DNAJC3: variants seen among roughly 807,000 people sequenced by gnomAD.
DNAJC3 encodes DnaJ heat shock protein family (Hsp40) member C3.
In DNAJC3, 38 loss-of-function variants were observed where a neutral mutation model predicts 68.6. The observed-to-expected ratio is 0.55, with a 90% CI of 0.43 to 0.73. The LOEUF is 0.73. DNAJC3 is among the 30% of genes least tolerant of loss of function. The pLI, the probability that DNAJC3 is intolerant of heterozygous loss-of-function variation, is 0.00. For missense variants in DNAJC3, 526 were observed against 591.9 expected, an observed-to-expected ratio of 0.89 and a Z score of 1.16; for synonymous variants, 203 against 204.0, an observed-to-expected ratio of 1.00 and a Z score of 0.04.
chr13:95,764,348 TC>T (rs1366476593), intron 9 of DNAJC3, among the ~76,000 whole-genome samples: 10 of 40,450 alleles, frequency 2.5e-4, no homozygotes, highest in African/African-American at 1.0e-3. Context: ...ATATACATAT[TC>T]TCTCTCTCTC....
chr13:95,708,755 G>A (rs17879418), intron 1 of DNAJC3, among the ~76,000 whole-genome samples: 1,600 of 152,168 alleles, frequency 0.011, 28 homozygotes, highest in African/African-American at 0.037. Flanking sequence ...CTCCTCCCAC[G>A]ATAACATCAG....
chr13:95,755,756 CAAAAAAAAAAAAAA>C (rs56659621), intron 4 of DNAJC3, among the ~76,000 whole-genome samples: 5 of 15,096 alleles, frequency 3.3e-4, no homozygotes, highest in South Asian at 2.5e-3. Context: ...GACGCCGTCT[CAAAAAAAAAAAAAA>C]AAAAAAAAAA....
chr13:95,734,473 A>G (rs1408917163), intron 4 of DNAJC3, among the ~76,000 whole-genome samples: 1 of 152,124 alleles, frequency 6.6e-6, no homozygotes, highest in African/African-American at 2.4e-5. Flanking sequence ...GACTTTTGAC[A>G]GTTTGATTGC....
chr13:95,721,523 C>T (rs1471659382), intron 2 of DNAJC3, among the ~76,000 whole-genome samples: 1 of 152,140 alleles, frequency 6.6e-6, no homozygotes, highest in African/African-American at 2.4e-5. Context: ...TCTTACATCC[C>T]ACCAACAGCG....
chr13:95,680,722 T>G (rs951262729), intron 1 of DNAJC3, among the ~76,000 whole-genome samples: 2 of 151,968 alleles, frequency 1.3e-5, no homozygotes, highest in African/African-American at 4.8e-5. Flanking sequence ...TGCACTGTAG[T>G]AATTAGGTTT....
At chr13:95,738,328 G>C (rs1171748186) in intron 4 of DNAJC3, among the ~76,000 whole-genome samples, 1 of 150,208 alleles carries the variant, frequency 6.7e-6, no homozygotes, top group African/African-American at 2.5e-5. Flanking sequence ...TTCTGTAGAT[G>C]TCTATTAGGT....
intron 1 of DNAJC3, 72 bp downstream of exon 1, chr13:95,677,409 C>T: frequency 2.0e-6 from 3 of 1,467,222 alleles, no homozygotes; most frequent in South Asian, 2.5e-5. Flanking sequence ...CGTCTGCGCC[C>T]GGGCGCCTGT....
At chr13:95,690,004 TA>T (rs1434091607) in intron 1 of DNAJC3, among the ~76,000 whole-genome samples, 1 of 152,068 alleles carries the variant, frequency 6.6e-6, no homozygotes. Context: ...TTCTTTTTTT[TA>T]TTGATCATTC....
At chr13:95,690,877 G>A (rs1354755925) in intron 1 of DNAJC3, among the ~76,000 whole-genome samples, 11 of 133,698 alleles carry the variant, frequency 8.2e-5, no homozygotes, top group East Asian at 4.7e-4. Flanking sequence ...GGGCAGAGGC[G>A]CCCCTCACTT....
intron 9 of DNAJC3, among the ~76,000 whole-genome samples, chr13:95,764,934 A>G (rs1594015353): frequency 6.6e-6 from 1 of 151,846 alleles, no homozygotes; most frequent in Non-Finnish European, 1.5e-5. Context: ...TTACAGTTAA[A>G]TGAAGGGTTC....
At chr13:95,779,885 C>T (rs1456266738) in intron 9 of DNAJC3, among the ~76,000 whole-genome samples, 1 of 151,984 alleles carries the variant, frequency 6.6e-6, no homozygotes, top group African/African-American at 2.4e-5. Flanking sequence ...TGTTCTTTTC[C>T]TGATTTTTAA....
intron 4 of DNAJC3, among the ~76,000 whole-genome samples, chr13:95,729,898 T>TATTA (rs1181533042): frequency 6.6e-6 from 1 of 152,218 alleles, no homozygotes; most frequent in Non-Finnish European, 1.5e-5. Context: ...ATATTCTGTA[T>TATTA]ATTAGTTGCT....
At position 95,760,763 on chromosome 13, in the gene DNAJC3, G is replaced by C. The variant is rs755876560; in HGVS notation, c.813G>C (p.Leu271=). ...AACAAGTAAAGAAACTTAATAAGCT[G>C]ATTGAGTCAGCTGAAGAGCTCATCA... is the stretch of plus-strand genomic sequence containing the variant. The part of the protein sequence containing the change: ...HYKQVKKLNK[L]IESAEELIRD... Residue 271 remains leucine (L), a synonymous_variant, in exon 7 of 12, where the codon CTG becomes CTC. Coordinates refer to ENST00000602402, the MANE Select transcript of DNAJC3 (RefSeq NM_006260.5). The C allele has an allele frequency of 4.3e-6, 7 of 1,612,442 alleles. 1 individual carries two copies. The South Asian group carries it at 7.7e-5, about 18-fold the overall frequency.
rs552540094 is a variant in DNAJC3 at position 95,699,464 on chromosome 13, C to T, written c.83-9763C>T. Among the ~76,000 whole-genome samples the T allele has an allele frequency of 5.9e-5, 9 of 152,146 alleles. No homozygotes were observed. The South Asian group carries it at 1.9e-3, about 32-fold the overall frequency. The stretch of plus-strand genomic sequence containing the variant: ...GCTTCCCTTTAGATTTCAGGTTCAT[C>T]CTGTGAGGTTGAAAATGATTGTAGC... On this transcript the variant is annotated intron_variant, in intron 1 of 11. Transcript: ENST00000602402.
chr13:95,757,454 G>T (rs966314964), intron 4 of DNAJC3, among the ~76,000 whole-genome samples, 190 bp from the exon 5 acceptor site: 3 of 152,080 alleles, frequency 2.0e-5, no homozygotes, highest in Admixed American at 6.6e-5. Flanking sequence ...TCATGCTCAT[G>T]GACCATATCG....
intron 4 of DNAJC3, among the ~76,000 whole-genome samples, chr13:95,735,024 T>C (rs1881857999): frequency 2.1e-5 from 3 of 145,898 alleles, no homozygotes; most frequent in African/African-American, 5.1e-5. Flanking sequence ...TCTGTGTCCA[T>C]GTGATCTCAT....
chr13:95,739,990 G>A (rs1442158303), intron 4 of DNAJC3, among the ~76,000 whole-genome samples: 1 of 152,136 alleles, frequency 6.6e-6, no homozygotes, highest in Non-Finnish European at 1.5e-5. Context: ...ATGGGTTTTT[G>A]GTGTGGATGT....
intron 7 of DNAJC3, among the ~76,000 whole-genome samples, chr13:95,762,264 A>G (rs1443779340): frequency 1.4e-5 from 2 of 147,472 alleles, no homozygotes; most frequent in Non-Finnish European, 2.9e-5. Flanking sequence ...CTCCGTCTCT[A>G]AAAAAAATGT....
At chr13:95,766,091 C>T (rs965334576) in intron 9 of DNAJC3, among the ~76,000 whole-genome samples, 2 of 152,172 alleles carry the variant, frequency 1.3e-5, no homozygotes, top group Non-Finnish European at 2.9e-5. Flanking sequence ...AGCTAAATAA[C>T]AGTATGTCTT....
Sources: gnomAD v4.1 joint callset for allele counts (sites outside exome capture counted in the v4.1 genomes callset) on GRCh38, gnomAD v4.1.1 for gene constraint, MANE v1.5 for transcripts, NCBI Gene and HGNC (gene_info 2026-07-23, HGNC 2026-07-21) for gene names.